MRPS27: variants seen among roughly 807,000 people sequenced by gnomAD.
The protein encoded by MRPS27 is mitochondrial ribosomal protein S27.
MRPS27 carries 43 observed loss-of-function variants against 48.9 expected under a neutral mutation model. The ratio of observed to expected loss-of-function variants is 0.88; its 90% CI spans 0.69 to 1.13. The LOEUF is 1.13. MRPS27 is among the 50% of genes most tolerant of loss of function. The pLI is 0.00. For synonymous variants in MRPS27, 188 were observed against 171.9 expected, an observed-to-expected ratio of 1.09 and a Z score of -0.73; for missense variants, 467 against 476.3, an observed-to-expected ratio of 0.98 and a Z score of 0.18.
chr5:72,303,027 G>A (rs1308961637), intron 2 of MRPS27, among the ~76,000 whole-genome samples: 2 of 152,166 alleles, frequency 1.3e-5, no homozygotes, highest in African/African-American at 4.8e-5. Flanking sequence ...TTTGTTTGAA[G>A]AGTTGACTTC....
In MRPS27 at chr5:72,277,196, T is replaced by A. The variant is rs530724368; in HGVS notation, c.281+18335A>T. Among the ~76,000 whole-genome samples, 9 of 152,224 alleles carry A rather than the reference T, an allele frequency of 5.9e-5. No individual in the cohort carries two copies. In the South Asian group the frequency reaches 1.9e-3, roughly 32 times the overall value. On this transcript the variant is annotated intron_variant, in intron 4 of 10. Coordinates refer to ENST00000261413, the MANE Select transcript of MRPS27 (RefSeq NM_015084.3). ...CTCATACCAGTAAAAACAGCAATTA[T>A]TAAAAAGTGAAAAACAACAGATGCT... is the stretch of plus-strand genomic sequence containing the variant.
At chr5:72,236,527 G>C (rs565439037) in intron 5 of MRPS27, among the ~76,000 whole-genome samples, 165 of 152,206 alleles carry the variant, frequency 1.1e-3, no homozygotes, top group African/African-American at 3.9e-3. Context: ...AGTGTAATCT[G>C]TGACATTACA....
At chr5:72,276,797 C>T (rs1025051116) in intron 4 of MRPS27, among the ~76,000 whole-genome samples, 7 of 151,826 alleles carry the variant, frequency 4.6e-5, no homozygotes, top group Admixed American at 1.3e-4. Context: ...TCTGTGAGGC[C>T]GAGGCGGGTG....
chr5:72,228,577 A>C (rs1747960971), intron 7 of MRPS27: 1 of 403,418 alleles, frequency 2.5e-6, no homozygotes, highest in Non-Finnish European at 4.4e-6. Context: ...CTATATGTTA[A>C]TGGATTTTTG....
chr5:72,243,642 C>T (rs1265738323), intron 4 of MRPS27, among the ~76,000 whole-genome samples: 1 of 152,154 alleles, frequency 6.6e-6, no homozygotes, highest in African/African-American at 2.4e-5. Flanking sequence ...AATAAAAGCA[C>T]CAGGTGCTAG....
In MRPS27 at chr5:72,221,065, T is replaced by A; in HGVS notation, c.1089A>T (p.Lys363Asn). 6.2e-7 allele frequency: 1 copy of A among 1,613,688 alleles called. No homozygotes were observed. The highest frequency in any genetic ancestry group is 8.5e-7 in the Non-Finnish European group (1 of 1,179,926). The change falls in exon 11 of 11, where the codon AAA becomes AAT. Residue 363 changes from lysine (K) to asparagine (N), a missense_variant. Lys to Asn is a moderately conservative substitution (Grantham distance 94). Coordinates refer to ENST00000261413, the MANE Select transcript of MRPS27 (RefSeq NM_015084.3). ...LSLTTQLVKE[K>N]LSTCEAEDIA... ...TGTCCTCTGCTTCACAGGTGGAGAG[T>A]TTTTCCTTGACAAGCTGGGTGGTCA...
At position 72,220,977 on chromosome 5, in the gene MRPS27, C is replaced by T; in HGVS notation, c.1177G>A (p.Glu393Lys). 1 of 1,614,158 alleles carries T rather than the reference C, an allele frequency of 6.2e-7. No individual in the cohort carries two copies. Among genetic ancestry groups the T allele is most frequent in the Non-Finnish European group, 8.5e-7 (1 of 1,180,004 alleles). The change falls in exon 11 of 11, where the codon GAA (glutamate) becomes AAA (lysine). Residue 393 changes from glutamate (E) to lysine (K), a missense_variant. Coordinates refer to ENST00000261413, the MANE Select transcript of MRPS27 (RefSeq NM_015084.3). ...HLDLVQLIQR[E>K]QQQREQAKQE... Reference sequence around the variant, plus strand: ...TTCGCTTGCTCCCTCTGTTGCTGTTCTCTCTGGATCAACTGTACAAGGTCT... The same window carrying T: ...TTCGCTTGCTCCCTCTGTTGCTGTTTTCTCTGGATCAACTGTACAAGGTCT...
In MRPS27 at chr5:72,256,437, T is replaced by C. The variant is rs562768377; in HGVS notation, c.282-18309A>G. On this transcript the variant is annotated intron_variant, in intron 4 of 10. Coordinates refer to ENST00000261413, the MANE Select transcript of MRPS27 (RefSeq NM_015084.3). ...TGGCAAGACATCCTATGATTGAATA[T>C]ATAGAGCCGAAAAGGCACTCTCTTC... Among the ~76,000 whole-genome samples the C allele has an allele frequency of 4.1e-4, 63 of 152,344 alleles. 3 individuals carry two copies. The South Asian group carries it at 0.012, about 30-fold the overall frequency.
chr5:72,240,430 G>C (rs1396201859), intron 4 of MRPS27, among the ~76,000 whole-genome samples: 1 of 150,380 alleles, frequency 6.6e-6, no homozygotes, highest in Admixed American at 6.6e-5. Context: ...ATTATTTTTT[G>C]GTAATGACTT....
chr5:72,239,300 G>A (rs1384284273), intron 4 of MRPS27, among the ~76,000 whole-genome samples: 1 of 152,174 alleles, frequency 6.6e-6, no homozygotes, highest in Non-Finnish European at 1.5e-5. Context: ...CTCTGCCAAA[G>A]TAATGGTTAA....
chr5:72,318,438 TCTA>T (rs1286135118), intron 1 of MRPS27, among the ~76,000 whole-genome samples: 1 of 152,214 alleles, frequency 6.6e-6, no homozygotes, highest in African/African-American at 2.4e-5. Context: ...TAATCACCTT[TCTA>T]CATTCTGGAG....
At chr5:72,285,192 C>T (rs1038835280) in intron 4 of MRPS27, among the ~76,000 whole-genome samples, 3 of 152,166 alleles carry the variant, frequency 2.0e-5, no homozygotes, top group Non-Finnish European at 4.4e-5. Context: ...CCTGATCTCT[C>T]TGGTTAAGGC....
intron 2 of MRPS27, among the ~76,000 whole-genome samples, chr5:72,312,888 G>A (rs999287144): frequency 1.2e-4 from 19 of 152,122 alleles, no homozygotes; most frequent in East Asian, 1.2e-3. Flanking sequence ...AAAGTGCTGG[G>A]ATTACAGGTG....
intron 10 of MRPS27, among the ~76,000 whole-genome samples, chr5:72,222,735 G>A (rs1371301611): frequency 1.3e-5 from 2 of 152,100 alleles, no homozygotes; most frequent in African/African-American, 4.8e-5. Context: ...CCAATTCTCT[G>A]GGTACCTTGG....
chr5:72,242,665 TACAC>T (rs57589095), intron 4 of MRPS27, among the ~76,000 whole-genome samples: 45,203 of 133,962 alleles, frequency 0.34, 8,350 homozygotes, highest in South Asian at 0.53. Context: ...AGACCCCGTC[TACAC>T]ACACACACAC....
intron 1 of MRPS27, 32 bp downstream of exon 1, chr5:72,320,117 A>T: frequency 6.2e-7 from 1 of 1,603,942 alleles, no homozygotes; most frequent in Non-Finnish European, 8.5e-7. Context: ...AAAACAGAAT[A>T]ATCAGGGGCC....
At chr5:72,254,174 G>T (rs771144431) in intron 4 of MRPS27, among the ~76,000 whole-genome samples, 22 of 152,158 alleles carry the variant, frequency 1.4e-4, no homozygotes, top group Non-Finnish European at 1.5e-5. Context: ...TATTTGAAGG[G>T]CCAAGAAGCT....
intron 2 of MRPS27, among the ~76,000 whole-genome samples, chr5:72,309,388 C>G (rs972185432): frequency 1.3e-5 from 2 of 151,896 alleles, no homozygotes; most frequent in Non-Finnish European, 2.9e-5. Flanking sequence ...GCTTCAGCCT[C>G]CATTGTAGCT....
intron 4 of MRPS27, chr5:72,241,684 C>T (rs750139982): frequency 1.4e-4 from 220 of 1,535,340 alleles, no homozygotes; most frequent in Non-Finnish European, 1.9e-4. Context: ...GAGCATTCTC[C>T]CTTTCTGTCA....
Sources: gnomAD v4.1 joint callset for allele counts (sites outside exome capture counted in the v4.1 genomes callset) on GRCh38, gnomAD v4.1.1 for gene constraint, MANE v1.5 for transcripts, NCBI Gene and HGNC (gene_info 2026-07-23, HGNC 2026-07-21) for gene names.